DLC1: variants seen among roughly 807,000 people sequenced by gnomAD.
DLC1 encodes the protein DLC1 Rho GTPase activating protein.
Under a neutral mutation model 140.3 loss-of-function variants are expected in DLC1, and 54 were observed. The ratio of observed to expected loss-of-function variants is 0.38; its 90% CI spans 0.31 to 0.48. DLC1 has a LOEUF of 0.48. DLC1 is among the 20% of genes least tolerant of loss of function. The probability of loss-of-function intolerance (pLI) is 0.96; values close to 1 mark genes in which losing one functional copy is unlikely to be tolerated. For synonymous variants in DLC1, 986 were observed against 728.1 expected (o/e 1.35, Z -5.70); for missense variants, 2,536 against 1,907.0 (o/e 1.33, Z -6.14).
At chr8:13,567,644 A>G in intron 1 of DLC1, 1 of 1,551,704 alleles carries the variant, frequency 6.4e-7, no homozygotes, top group Non-Finnish European at 8.7e-7. Flanking sequence ...CTGAAACAAA[A>G]GAAGACTTTA....
intron 4 of DLC1, among the ~76,000 whole-genome samples, chr8:13,323,724 G>A (rs956576675): frequency 2.6e-5 from 4 of 152,136 alleles, no homozygotes; most frequent in African/African-American, 7.2e-5. Flanking sequence ...ATAGAGATAA[G>A]GGAATGCAGC....
intron 2 of DLC1, among the ~76,000 whole-genome samples, chr8:13,451,061 A>AAAAAAAAAAAAG (rs1563357501): frequency 5.1e-4 from 70 of 138,428 alleles, no homozygotes; most frequent in Non-Finnish European, 8.9e-4. Context: ...AAAAAAAAAA[A>AAAAAAAAAAAAG]AAAAAAAGAA....
chr8:13,593,282 T>C (rs1805579886), intron 1 of DLC1, among the ~76,000 whole-genome samples: 1 of 152,166 alleles, frequency 6.6e-6, no homozygotes, highest in Non-Finnish European at 1.5e-5. Flanking sequence ...ATCAGAGAAA[T>C]TAACTGCTTC....
At chr8:13,307,175 A>G (rs528573443) in intron 4 of DLC1, among the ~76,000 whole-genome samples, 12 of 151,868 alleles carry the variant, frequency 7.9e-5, no homozygotes, top group Non-Finnish European at 1.3e-4. Context: ...CTCAATCTCA[A>G]TCTACATTTC....
chr8:13,300,713 A>G (rs1380752956), intron 5 of DLC1, among the ~76,000 whole-genome samples: 1 of 152,218 alleles, frequency 6.6e-6, no homozygotes, highest in Non-Finnish European at 1.5e-5. Flanking sequence ...ATGGCCATGT[A>G]TGGACAGGTC....
chr8:13,218,708 T>C (rs530260271), intron 5 of DLC1, among the ~76,000 whole-genome samples: 396 of 149,726 alleles, frequency 2.6e-3, no homozygotes, highest in Middle Eastern at 0.01. Flanking sequence ...TGAAATAGTT[T>C]GGCAGTTTCT....
chr8:13,416,665 C>T (rs1838075963), intron 2 of DLC1, among the ~76,000 whole-genome samples: 9 of 152,094 alleles, frequency 5.9e-5, no homozygotes, highest in Admixed American at 5.2e-4. Flanking sequence ...GATTCATAAA[C>T]CCAGGTGGTG....
At chr8:13,524,017 C>T (rs1217244420) in intron 1 of DLC1, among the ~76,000 whole-genome samples, 1 of 151,252 alleles carries the variant, frequency 6.6e-6, no homozygotes, top group Non-Finnish European at 1.5e-5. Context: ...GGGAGTGTGA[C>T]GCATGTGAAA....
intron 16 of DLC1, among the ~76,000 whole-genome samples, chr8:13,087,960 CTCTT>C: frequency 6.6e-6 from 1 of 152,232 alleles, no homozygotes. Flanking sequence ...GAAGGGGCCT[CTCTT>C]TCTGAGCTCA....
intron 5 of DLC1, among the ~76,000 whole-genome samples, chr8:13,250,791 G>C (rs1018100684): frequency 3.9e-5 from 6 of 152,006 alleles, no homozygotes; most frequent in Non-Finnish European, 7.4e-5. Context: ...AAAAAATAAA[G>C]TACTTACTTT....
chr8:13,485,466 CT>C (rs1466640346), intron 2 of DLC1, among the ~76,000 whole-genome samples: 1 of 152,180 alleles, frequency 6.6e-6, no homozygotes, highest in Non-Finnish European at 1.5e-5. Context: ...CTGTGACATT[CT>C]GTGCAGTAAC....
chr8:13,499,668 G>A lies in DLC1; in HGVS notation c.404C>T (p.Thr135Ile). The A allele has an allele frequency of 6.2e-7, 1 of 1,614,170 alleles. No individual in the cohort carries two copies. Among genetic ancestry groups the A allele is most frequent in the East Asian group, 2.2e-5 (1 of 44,882 alleles). The change falls in exon 2 of 18, where the codon ACA becomes ATA. Residue 135 changes from threonine (T) to isoleucine (I), a missense_variant. Transcript: ENST00000276297. ...TCCTTGGATCATATGTTGGCCTGAT[G>A]TTTTCTGCCCTTGGGTATTTAAAAC... ...KQVLNTQGQK[T>I]SGQHMIQGAG... is the part of the protein sequence containing the mutation.
At chr8:13,503,364 A>G (rs560003981) in intron 1 of DLC1, among the ~76,000 whole-genome samples, 2 of 152,178 alleles carry the variant, frequency 1.3e-5, no homozygotes, top group Non-Finnish European at 2.9e-5. Context: ...TGATCGCACC[A>G]CTGCACTCTT....
In DLC1 at chr8:13,488,056, A is replaced by G. The variant is rs566167089; in HGVS notation, c.1023+10993T>C. On this transcript the variant is annotated intron_variant, in intron 2 of 17. Transcript: ENST00000276297. The stretch of plus-strand genomic sequence containing the variant: ...GGCCAGTATGTGAGTAGAATATGAA[A>G]TATGATCAGCATTGAAGTTTTAATG... Among the ~76,000 whole-genome samples the G allele has an allele frequency of 3.9e-5, 6 of 152,334 alleles. No homozygotes were observed. The East Asian group carries it at 1.2e-3, about 29-fold the overall frequency.
intron 1 of DLC1, among the ~76,000 whole-genome samples, chr8:13,535,667 A>ATT (rs200630999): frequency 2.9e-5 from 1 of 34,122 alleles, no homozygotes; most frequent in Non-Finnish European, 5.4e-5. Flanking sequence ...ATCATTGCTC[A>ATT]TTAAAAAAAA....
intron 4 of DLC1, among the ~76,000 whole-genome samples, chr8:13,310,343 C>T (rs1327213652): frequency 6.6e-6 from 1 of 151,440 alleles, no homozygotes; most frequent in Non-Finnish European, 1.5e-5. Flanking sequence ...AGAGAAAAAT[C>T]AGTGACAGAG....
chr8:13,515,848 C>A (rs1802569399), upstream of DLC1, among the ~76,000 whole-genome samples: 1 of 152,114 alleles, frequency 6.6e-6, no homozygotes, highest in Non-Finnish European at 1.5e-5. Context: ...GATGTTAGCT[C>A]GTCTTATAAT....
At chr8:13,297,259 G>C (rs1039345551) in intron 5 of DLC1, among the ~76,000 whole-genome samples, 1 of 15,616 alleles carries the variant, frequency 6.4e-5, no homozygotes, top group African/African-American at 2.6e-4. Context: ...TAAAGAAGCA[G>C]GCAAGCAGAG....
At chr8:13,497,386 T>A (rs1801564379) in intron 2 of DLC1, among the ~76,000 whole-genome samples, 2 of 152,250 alleles carry the variant, frequency 1.3e-5, no homozygotes, top group East Asian at 3.8e-4. Context: ...ATCTATTTAT[T>A]AGAAGGCATC....
Sources: gnomAD v4.1 joint callset for allele counts (sites outside exome capture counted in the v4.1 genomes callset) on GRCh38, gnomAD v4.1.1 for gene constraint, MANE v1.5 for transcripts, NCBI Gene and HGNC (gene_info 2026-07-23, HGNC 2026-07-21) for gene names.